Variants in HSD17B12 observed in about 807,000 individuals in gnomAD.
HSD17B12 encodes very-long-chain 3-oxoacyl-CoA reductase.
HSD17B12 carries 32 observed loss-of-function variants against 39.3 expected under a neutral mutation model. That is an observed-to-expected ratio of 0.81 (90% CI 0.61 to 1.09). The LOEUF (loss-of-function observed/expected upper bound fraction) is 1.09. Ranked by LOEUF, HSD17B12 falls within the 50% of genes least tolerant of loss-of-function variation. HSD17B12 has a pLI of 0.00. For missense variants in HSD17B12, 342 were observed against 382.9 expected, an observed-to-expected ratio of 0.89 and a Z score of 0.89; for synonymous variants, 150 against 146.7, an observed-to-expected ratio of 1.02 and a Z score of -0.16.
chr11:43,572,434 G>A, the HSD17B12 span, among the ~76,000 whole-genome samples: 2 of 152,166 alleles, frequency 1.3e-5, no homozygotes, highest in African/African-American at 2.4e-5. Context: ...GATAGACCTG[G>A]AATATTAAAG....
At chr11:43,820,960 C>T (rs1016862212) in intron 6 of HSD17B12, among the ~76,000 whole-genome samples, 2 of 152,130 alleles carry the variant, frequency 1.3e-5, no homozygotes, top group Admixed American at 6.6e-5. Context: ...ACATAAGTTC[C>T]GTGTTTCAAT....
At chr11:43,667,255 G>C in the HSD17B12 span, among the ~76,000 whole-genome samples, 1 of 152,222 alleles carries the variant, frequency 6.6e-6, no homozygotes, top group African/African-American at 2.4e-5. Flanking sequence ...AGGTTCAAGC[G>C]ATTCTCCTGC....
chr11:43,810,474 A>C (rs1470118448), intron 4 of HSD17B12, among the ~76,000 whole-genome samples: 2 of 150,502 alleles, frequency 1.3e-5, no homozygotes, highest in Non-Finnish European at 2.9e-5. Flanking sequence ...GTGTTTTCTG[A>C]GGTTCTGGAT....
chr11:43,831,194 C>T lies in HSD17B12; in HGVS notation c.536+184C>T, dbSNP rs1282440064. ...AGTCATCGGTGGTGGAGGCCTTTTC[C>T]ACTCGATTCCCTTTTTATTTCTCTC... On this transcript the variant is annotated intron_variant, in intron 7 of 10. Coordinates refer to ENST00000278353, the MANE Select transcript of HSD17B12 (RefSeq NM_016142.3). This position sits in a 1 kb window ranked among gnomAD's most constrained non-coding sequence, Gnocchi z 4.1. The T allele has an allele frequency of 6.8e-6, 3 of 443,732 alleles. No homozygotes were observed. Among genetic ancestry groups the T allele is most frequent in the Admixed American group, 4.2e-5 (1 of 23,618 alleles). 27.5% of individuals were successfully genotyped at this position (443,732 alleles called of 1,614,324 possible).
the HSD17B12 span, among the ~76,000 whole-genome samples, chr11:43,557,919 T>C: frequency 6.6e-6 from 1 of 152,036 alleles, no homozygotes; most frequent in Non-Finnish European, 1.5e-5. Context: ...TGCAGAATAC[T>C]TGTGTGTCGT....
At chr11:43,607,108 A>G in the HSD17B12 span, among the ~76,000 whole-genome samples, 3 of 152,156 alleles carry the variant, frequency 2.0e-5, no homozygotes, top group African/African-American at 7.2e-5. Flanking sequence ...TTATTATCTT[A>G]ATTGTTATTG....
At chr11:43,750,873 A>G (rs1950459117) in intron 1 of HSD17B12, 38 bp from the exon 2 acceptor site, 10 of 1,506,460 alleles carry the variant, frequency 6.6e-6, no homozygotes, top group Non-Finnish European at 9.1e-6. Context: ...CCTCAATGTA[A>G]TTCTTAGACT....
At chr11:43,786,183 A>G (rs1392093442) in intron 3 of HSD17B12, among the ~76,000 whole-genome samples, 1 of 152,168 alleles carries the variant, frequency 6.6e-6, no homozygotes, top group Non-Finnish European at 1.5e-5. Context: ...AAAAGGGGCT[A>G]ATTCAACTCA....
Position 43,680,961 on chromosome 11 carries a change from T to C in HSD17B12, c.134T>C (p.Val45Ala), listed in dbSNP as rs1457289160. ...RVWGVGNEAG[V>A]GPGLGEWAVV... ...TGGGGAGTGGGGAATGAGGCGGGGGTCGGCCCGGGGCTCGGAGAATGGGCA... is the reference window on the plus strand; with the variant it reads ...TGGGGAGTGGGGAATGAGGCGGGGGCCGGCCCGGGGCTCGGAGAATGGGCA... Residue 45 changes from valine to alanine, a missense_variant, in exon 1 of 11, where the codon GTC becomes GCC. Transcript: ENST00000278353. 1 of 1,607,394 alleles carries C rather than the reference T, an allele frequency of 6.2e-7. No individual in the cohort carries two copies. Among genetic ancestry groups the C allele is most frequent in the Non-Finnish European group, 8.5e-7 (1 of 1,175,982 alleles).
At chr11:43,775,069 C>CT (rs540709929) in intron 3 of HSD17B12, among the ~76,000 whole-genome samples, 20 of 152,070 alleles carry the variant, frequency 1.3e-4, no homozygotes, top group Non-Finnish European at 1.9e-4. Flanking sequence ...ATATTTTGAC[C>CT]TTGAAGAAGT....
chr11:43,575,313 G>C, the HSD17B12 span, among the ~76,000 whole-genome samples: 1 of 152,256 alleles, frequency 6.6e-6, no homozygotes, highest in Non-Finnish European at 1.5e-5. The surrounding 1 kb of genome is among the most constrained non-coding windows in gnomAD (Gnocchi z 4.1). Context: ...AGGAGGGAGA[G>C]AGCGGGAGCC....
chr11:43,614,615 C>T, the HSD17B12 span, among the ~76,000 whole-genome samples: 1 of 152,092 alleles, frequency 6.6e-6, no homozygotes, highest in Non-Finnish European at 1.5e-5. Context: ...ATTTGGTCTT[C>T]ATATACTTTT....
chr11:43,816,988 ATATC>A (rs1951130022), intron 6 of HSD17B12, among the ~76,000 whole-genome samples: 1 of 38,380 alleles, frequency 2.6e-5, no homozygotes, highest in African/African-American at 7.7e-5. Flanking sequence ...ATATATATCT[ATATC>A]TATATCTATA....
chr11:43,752,404 C>A (rs1950473013), intron 2 of HSD17B12, among the ~76,000 whole-genome samples: 1 of 152,002 alleles, frequency 6.6e-6, no homozygotes, highest in African/African-American at 2.4e-5. Flanking sequence ...TTGGTTATTA[C>A]CATGGTGGTT....
chr11:43,673,482 C>A, the HSD17B12 span: 2 of 53,352 alleles, frequency 3.7e-5, no homozygotes, highest in African/African-American at 4.7e-5. Context: ...CTTTTCTTTT[C>A]TTTTCTTTTC....
intron 1 of HSD17B12, chr11:43,734,377 G>A (rs1218772132): frequency 4.6e-6 from 4 of 866,280 alleles, no homozygotes; most frequent in Non-Finnish European, 7.9e-6. Flanking sequence ...GGAAAAAGGC[G>A]GCCATCATCT....
intron 1 of HSD17B12, chr11:43,718,636 C>G: frequency 1.5e-6 from 1 of 657,570 alleles, no homozygotes. Context: ...GTCTCTTACC[C>G]CATGTATCAA....
the HSD17B12 span, among the ~76,000 whole-genome samples, chr11:43,598,155 A>G: frequency 6.6e-6 from 1 of 152,042 alleles, no homozygotes; most frequent in African/African-American, 2.4e-5. Context: ...TGGGTGAAAG[A>G]ATGGCCTCCA....
the HSD17B12 span, among the ~76,000 whole-genome samples, chr11:43,584,994 G>A: frequency 2.6e-5 from 4 of 152,288 alleles, no homozygotes; most frequent in Admixed American, 6.5e-5. Flanking sequence ...CTATTCAATG[G>A]GGCCCACTCT....
Sources: gnomAD v4.1 joint callset for allele counts (sites outside exome capture counted in the v4.1 genomes callset) on GRCh38, gnomAD v4.1.1 for gene constraint, Gnocchi (gnomAD v3.1) non-coding constraint, MANE v1.5 for transcripts, NCBI Gene and HGNC (gene_info 2026-07-23, HGNC 2026-07-21) for gene names.